WDR47: variants seen among roughly 807,000 people sequenced by gnomAD.
WDR47 encodes WD repeat domain 47, also known as WD repeat-containing protein 47.
In WDR47, 32 loss-of-function variants were observed where a neutral mutation model predicts 97.2. The ratio of observed to expected loss-of-function variants is 0.33; its 90% CI spans 0.25 to 0.44. The LOEUF is 0.44. Among genes scored for constraint, WDR47 ranks in the 20% least tolerant of loss-of-function variants. The probability of loss-of-function intolerance (pLI) is 1.00; values close to 1 mark genes in which losing one functional copy is unlikely to be tolerated. For synonymous variants in WDR47, 375 were observed against 373.5 expected (o/e 1.00, Z -0.05); for missense variants, 782 against 1,102.3 (o/e 0.71, Z 4.11).
At chr1:109,020,450 C>A (rs1317231263) in intron 2 of WDR47, among the ~76,000 whole-genome samples, 7 of 151,842 alleles carry the variant, frequency 4.6e-5, no homozygotes, top group Admixed American at 2.0e-4. Context: ...TTAGTAGAGA[C>A]GGGGGGTTTC....
chr1:109,040,726 T>C (rs1223789277), intron 1 of WDR47, among the ~76,000 whole-genome samples: 1 of 152,142 alleles, frequency 6.6e-6, no homozygotes, highest in African/African-American at 2.4e-5. Flanking sequence ...ACCTCGACAA[T>C]ATGCCATATA....
In WDR47 at chr1:108,970,962, A is replaced by G. The variant is rs1165044788; in HGVS notation, c.*468T>C. 6.5e-6 allele frequency: 1 copy of G among 154,210 alleles called. No homozygotes were observed. The highest frequency in any genetic ancestry group is 2.4e-5 in the African/African-American group (1 of 41,482). 9.6% of individuals were successfully genotyped at this position (154,210 alleles called of 1,614,324 possible). ...CCTCTAGAAGACAAGTGATAATACA[A>G]TATGGGATCGTGAGAAGAGCAAAAG... On this transcript the variant is annotated 3_prime_UTR_variant, in exon 15 of 15. Coordinates refer to ENST00000369962, the MANE Select transcript of WDR47 (RefSeq NM_001142551.2).
intron 7 of WDR47, among the ~76,000 whole-genome samples, chr1:108,996,585 G>C (rs1659766516): frequency 1.3e-5 from 2 of 152,134 alleles, no homozygotes; most frequent in Admixed American, 1.3e-4. Flanking sequence ...GCCATGATGA[G>C]TAAAAAGTCA....
intron 1 of WDR47, among the ~76,000 whole-genome samples, chr1:109,034,977 C>T (rs372008314): frequency 1.3e-5 from 2 of 151,678 alleles, no homozygotes; most frequent in African/African-American, 4.8e-5. Flanking sequence ...GGTCTGAGAC[C>T]GGGCACAGTG....
chr1:109,038,067 G>A (rs1306466793), intron 1 of WDR47, among the ~76,000 whole-genome samples: 2 of 151,966 alleles, frequency 1.3e-5, no homozygotes, highest in Non-Finnish European at 2.9e-5. Flanking sequence ...TCAAACGTCT[G>A]GGCTCAAGCA....
At chr1:109,020,526 T>A (rs1661757598) in intron 2 of WDR47, among the ~76,000 whole-genome samples, 1 of 152,148 alleles carries the variant, frequency 6.6e-6, no homozygotes, top group Non-Finnish European at 1.5e-5. Flanking sequence ...CCTCCCAAAG[T>A]GCTGGGATTA....
intron 13 of WDR47, among the ~76,000 whole-genome samples, chr1:108,975,921 GA>G (rs1657853932): frequency 6.6e-6 from 1 of 152,140 alleles, no homozygotes; most frequent in Non-Finnish European, 1.5e-5. Flanking sequence ...AGGTTTAGAG[GA>G]AAAGTATAAA....
chr1:108,992,327 A>G (rs1659414525), intron 8 of WDR47: 10 of 764,830 alleles, frequency 1.3e-5, no homozygotes, highest in South Asian at 1.1e-4. Flanking sequence ...GGAATCATGC[A>G]AATCAAGAGG....
intron 3 of WDR47, 81 bp from the exon 4 acceptor site, chr1:109,014,006 CT>C: frequency 9.8e-7 from 1 of 1,025,326 alleles, no homozygotes; most frequent in Non-Finnish European, 1.4e-6. Flanking sequence ...AGTACTTTTG[CT>C]TTAGGAAAAT....
chr1:109,000,773 C>T (rs1033282195), intron 7 of WDR47, among the ~76,000 whole-genome samples: 9 of 152,224 alleles, frequency 5.9e-5, no homozygotes, highest in African/African-American at 1.9e-4. Flanking sequence ...CACTGACTTA[C>T]ACAACACTCA....
intron 1 of WDR47, among the ~76,000 whole-genome samples, chr1:109,029,712 TA>T (rs1468449931): frequency 1.4e-5 from 2 of 147,370 alleles, no homozygotes; most frequent in African/African-American, 2.5e-5. Context: ...AATAAATAAA[TA>T]TTTTTTTAAA....
intron 1 of WDR47, among the ~76,000 whole-genome samples, chr1:109,027,770 C>T (rs1385547098): frequency 6.6e-6 from 1 of 152,152 alleles, no homozygotes; most frequent in Non-Finnish European, 1.5e-5. Context: ...GATCCACCCG[C>T]CTCAGCCTCC....
intron 13 of WDR47, 148 bp downstream of exon 13, chr1:108,981,585 G>C (rs1293609626): frequency 2.7e-6 from 2 of 745,202 alleles, no homozygotes; most frequent in Non-Finnish European, 4.0e-6. Flanking sequence ...ACAAATGCAA[G>C]TATTGTGAAA....
rs745334050 is a variant in WDR47 at position 109,023,525 on chromosome 1, A to C, written c.-9-4T>G. ...CTTCAGCCGTCATATTGATAGCCTA[A>C]ATATGAAACAGAAAAACAATAAAGC... On this transcript the variant is annotated splice_polypyrimidine_tract_variant and splice_region_variant and intron_variant, in intron 1 of 14. Transcript: ENST00000369962. 1 of 1,607,346 alleles carries C rather than the reference A, an allele frequency of 6.2e-7. No individual in the cohort carries two copies. Among genetic ancestry groups the C allele is most frequent in the Non-Finnish European group, 8.5e-7 (1 of 1,176,612 alleles).
At chr1:109,025,129 T>A (rs1015299488) in intron 1 of WDR47, 2 of 152,154 alleles carry the variant, frequency 1.3e-5, no homozygotes, top group African/African-American at 4.8e-5. Context: ...CATCAGCAGA[T>A]GAGTACATTT....
intron 7 of WDR47, among the ~76,000 whole-genome samples, chr1:109,000,081 C>A (rs1354305986): frequency 6.6e-6 from 1 of 152,108 alleles, no homozygotes; most frequent in African/African-American, 2.4e-5. Context: ...TACGATGACT[C>A]ATGCCTGTAA....
intron 7 of WDR47, among the ~76,000 whole-genome samples, chr1:108,997,950 C>T (rs980977275): frequency 6.6e-6 from 1 of 151,800 alleles, no homozygotes; most frequent in Non-Finnish European, 1.5e-5. Flanking sequence ...TTTTAATTTT[C>T]CTACATTAAA....
rs1483711285 is a variant in WDR47 at position 108,974,766 on chromosome 1, G to C, written c.2399-12C>G. 5.7e-6 allele frequency: 9 copies of C among 1,590,000 alleles called. No individual in the cohort carries two copies. The East Asian group carries it at 1.8e-4, about 32-fold the overall frequency. ...TGCCACTGCACTGCCTGTAGTGGTA[G>C]GAATGAAAGTTTAAATACAGAAAAT... On this transcript the variant is annotated splice_polypyrimidine_tract_variant and intron_variant, in intron 13 of 14. Coordinates refer to ENST00000369962, the MANE Select transcript of WDR47 (RefSeq NM_001142551.2).
chr1:109,023,436 T>A lies in WDR47; in HGVS notation c.77A>T (p.Lys26Met), dbSNP rs1159241631. ...CAGGGCCAGCATACTAATGTGAAGC[T>A]TCTTTGAATTCAGGAAGTCCAAAAT... ...KLILDFLNSKKLHISMLALEK... is the reference protein window; with the variant it reads ...KLILDFLNSKMLHISMLALEK... The change falls in exon 2 of 15, where the codon AAG (lysine) becomes ATG (methionine). Residue 26 changes from lysine (K) to methionine (M), a missense_variant. Around this residue, in one of 3 missense-constraint regions of WDR47, gnomAD observed 428 missense variants for 584.3 expected, o/e 0.73. Coordinates refer to ENST00000369962, the MANE Select transcript of WDR47 (RefSeq NM_001142551.2). 1 of 1,613,820 alleles carries A rather than the reference T, an allele frequency of 6.2e-7. No individual in the cohort carries two copies. The highest frequency in any genetic ancestry group is 1.7e-5 in the Admixed American group (1 of 59,994).
Sources: allele counts gnomAD v4.1 joint callset (sites outside exome capture counted in the v4.1 genomes callset), GRCh38; gene constraint gnomAD v4.1.1; regional missense constraint gnomAD v4.1.1; transcripts MANE v1.5; gene names NCBI Gene and HGNC (gene_info 2026-07-23, HGNC 2026-07-21).